Variants in SCAPER observed in about 807,000 individuals in gnomAD.
SCAPER encodes the protein S-phase cyclin A associated protein in the ER, also known as S phase cyclin A-associated protein in the endoplasmic reticulum.
In SCAPER, 98 loss-of-function variants were observed where a neutral mutation model predicts 182.2. The observed-to-expected ratio is 0.54, with a 90% CI of 0.46 to 0.64. The LOEUF (loss-of-function observed/expected upper bound fraction) is 0.64. Among genes scored for constraint, SCAPER ranks in the 30% least tolerant of loss-of-function variants. SCAPER has a pLI of 0.00. For missense variants in SCAPER, 1,432 were observed against 1,690.0 expected (o/e 0.85, Z 2.68); for synonymous variants, 605 against 564.6 (o/e 1.07, Z -1.01).
At chr15:76,572,428 T>C (rs2047495967) in intron 23 of SCAPER, among the ~76,000 whole-genome samples, 1 of 152,220 alleles carries the variant, frequency 6.6e-6, no homozygotes, top group Non-Finnish European at 1.5e-5. Context: ...TCTGATATCC[T>C]GAAAGGGATG....
intron 20 of SCAPER, among the ~76,000 whole-genome samples, chr15:76,684,335 C>G (rs1012991649): frequency 2.6e-5 from 4 of 152,102 alleles, no homozygotes; most frequent in African/African-American, 9.7e-5. Flanking sequence ...TGCAATGACA[C>G]CCATATGCTC....
intron 25 of SCAPER, among the ~76,000 whole-genome samples, chr15:76,460,092 T>C (rs1006963354): frequency 2.0e-5 from 3 of 152,130 alleles, no homozygotes; most frequent in East Asian, 1.9e-4. Context: ...ATATGATTTT[T>C]TTTCTGTTTC....
intron 1 of SCAPER, 99 bp from the exon 2 acceptor site, chr15:76,883,975 C>T (rs1235295566): frequency 3.3e-6 from 2 of 609,522 alleles, no homozygotes; most frequent in Non-Finnish European, 5.4e-6. Flanking sequence ...TTACATTAAA[C>T]AACAACAAAA....
chr15:76,673,570 A>G (rs2057171928), intron 20 of SCAPER, among the ~76,000 whole-genome samples: 1 of 152,088 alleles, frequency 6.6e-6, no homozygotes, highest in African/African-American at 2.4e-5. Flanking sequence ...TATGGAAGAA[A>G]AGAGATACAG....
At chr15:76,606,956 T>C (rs1343544205) in intron 22 of SCAPER, among the ~76,000 whole-genome samples, 5 of 152,254 alleles carry the variant, frequency 3.3e-5, no homozygotes, top group Admixed American at 2.0e-4. Context: ...CTGATGAGTC[T>C]TGACTCTTTA....
intron 26 of SCAPER, among the ~76,000 whole-genome samples, chr15:76,406,871 G>A (rs1384728616): frequency 1.3e-5 from 2 of 152,076 alleles, no homozygotes; most frequent in Non-Finnish European, 2.9e-5. Flanking sequence ...CATCATCTTG[G>A]CCATAATGAC....
intron 22 of SCAPER, among the ~76,000 whole-genome samples, chr15:76,589,665 A>G (rs1359314688): frequency 2.6e-5 from 4 of 152,134 alleles, no homozygotes; most frequent in African/African-American, 9.7e-5. Flanking sequence ...TTGAGTCTGC[A>G]CACTGGATTC....
chr15:76,590,609 C>T (rs955649822), intron 22 of SCAPER, among the ~76,000 whole-genome samples: 2 of 152,120 alleles, frequency 1.3e-5, no homozygotes, highest in African/African-American at 4.8e-5. Flanking sequence ...TTAGCACAAC[C>T]TCTATGGAAA....
intron 1 of SCAPER, among the ~76,000 whole-genome samples, chr15:76,895,235 T>C (rs2074368802): frequency 6.6e-6 from 1 of 152,002 alleles, no homozygotes; most frequent in Non-Finnish European, 1.5e-5. Flanking sequence ...CATATGCAAA[T>C]TAACACATGA....
chr15:76,470,380 G>A lies in SCAPER; in HGVS notation c.3078+832C>T, dbSNP rs558688456. The stretch of plus-strand genomic sequence containing the variant: ...TGAATCTGGGGAAAGAGTCAGGCTG[G>A]GGAAGATCTCATGAAGAAGGTAACA... On this transcript the variant is annotated intron_variant, in intron 25 of 31. Coordinates refer to ENST00000563290, the MANE Select transcript of SCAPER (RefSeq NM_020843.4). Among the ~76,000 whole-genome samples the A allele has an allele frequency of 3.3e-5, 5 of 152,142 alleles. No individual in the cohort carries two copies. In the South Asian group the frequency reaches 1.0e-3, roughly 32 times the overall value.
intron 25 of SCAPER, among the ~76,000 whole-genome samples, chr15:76,466,419 C>CTTT: frequency 0.015 from 571 of 37,280 alleles, 8 homozygotes; most frequent in Non-Finnish European, 0.019. Context: ...GTTGGTTCTT[C>CTTT]TTTTTTTTTT....
intron 6 of SCAPER, 51 bp from the exon 7 acceptor site, chr15:76,800,415 A>G (rs1430695305): frequency 5.2e-6 from 6 of 1,159,902 alleles, no homozygotes; most frequent in African/African-American, 1.5e-5. Flanking sequence ...AAAGGGAGAA[A>G]CAAATAATCT....
intron 21 of SCAPER, among the ~76,000 whole-genome samples, chr15:76,642,626 C>A (rs150965717): frequency 2.2e-4 from 33 of 152,296 alleles, no homozygotes; most frequent in African/African-American, 7.5e-4. Context: ...CAGCAACGCA[C>A]AGATGGCAAA....
At chr15:76,809,462 C>T (rs930165112) in intron 5 of SCAPER, among the ~76,000 whole-genome samples, 3 of 151,628 alleles carry the variant, frequency 2.0e-5, no homozygotes, top group Non-Finnish European at 4.4e-5. Flanking sequence ...ATATAATACT[C>T]AACTAAAAAT....
intron 24 of SCAPER, among the ~76,000 whole-genome samples, chr15:76,473,666 A>G (rs2050381886): frequency 1.3e-5 from 2 of 152,326 alleles, no homozygotes; most frequent in Middle Eastern, 6.8e-3. Context: ...CAGACCTAGT[A>G]AACAGCAGCT....
intron 23 of SCAPER, among the ~76,000 whole-genome samples, chr15:76,549,608 G>T (rs62030370): frequency 0.076 from 11,560 of 152,120 alleles, 498 homozygotes; most frequent in Middle Eastern, 0.11. Context: ...GGGGTAGGGG[G>T]AAGGGGAGGG....
chr15:76,791,266 T>C (rs538079770), intron 8 of SCAPER, among the ~76,000 whole-genome samples: 12 of 152,328 alleles, frequency 7.9e-5, no homozygotes, highest in South Asian at 4.1e-4. Flanking sequence ...CTTACAGTTA[T>C]AGCCACAGTG....
chr15:76,614,671 G>A (rs1253758825), intron 22 of SCAPER, among the ~76,000 whole-genome samples: 1 of 152,078 alleles, frequency 6.6e-6, no homozygotes, highest in Non-Finnish European at 1.5e-5. Context: ...AGTGAAAGAA[G>A]GGGGACATTT....
intron 16 of SCAPER, among the ~76,000 whole-genome samples, 155 bp downstream of exon 16, chr15:76,733,074 C>T (rs1262557431): frequency 6.6e-6 from 1 of 152,218 alleles, no homozygotes; most frequent in East Asian, 1.9e-4. Flanking sequence ...GTGGTCCCCC[C>T]AGGCCCAGCT....
Sources: gnomAD v4.1 joint callset for allele counts (sites outside exome capture counted in the v4.1 genomes callset) on GRCh38, gnomAD v4.1.1 for gene constraint, MANE v1.5 for transcripts, NCBI Gene and HGNC (gene_info 2026-07-23, HGNC 2026-07-21) for gene names.